The following NRG3 variants were observed in gnomAD, a reference collection of about 807,000 sequenced individuals.
NRG3 encodes pro-neuregulin-3, membrane-bound isoform.
In NRG3, 31 loss-of-function variants were observed where a neutral mutation model predicts 66.9. The observed-to-expected ratio is 0.46, with a 90% CI of 0.35 to 0.63. The LOEUF (loss-of-function observed/expected upper bound fraction) is 0.63. NRG3 is among the 20% of genes least tolerant of loss of function. The pLI, the probability that NRG3 is intolerant of heterozygous loss-of-function variation, is 0.00. For missense variants in NRG3, 910 were observed against 878.9 expected (o/e 1.04, Z -0.45); for synonymous variants, 393 against 359.4 (o/e 1.09, Z -1.06).
intron 1 of NRG3, among the ~76,000 whole-genome samples, chr10:82,242,764 G>A (rs2077060832): frequency 6.6e-6 from 1 of 152,222 alleles, no homozygotes; most frequent in South Asian, 2.1e-4. Context: ...TTTCCCAAAT[G>A]TTGTGTTTCT....
At chr10:82,270,282 G>A (rs1053483098) in intron 1 of NRG3, among the ~76,000 whole-genome samples, 2 of 152,070 alleles carry the variant, frequency 1.3e-5, no homozygotes, top group Non-Finnish European at 2.9e-5. Flanking sequence ...TAACTGATTG[G>A]AACTGTCACT....
intron 2 of NRG3, among the ~76,000 whole-genome samples, chr10:82,435,236 G>A (rs1353590996): frequency 6.6e-6 from 1 of 152,118 alleles, no homozygotes; most frequent in Non-Finnish European, 1.5e-5. Flanking sequence ...TTGCATAGAG[G>A]TGTTTACAGC....
At chr10:82,463,781 C>T (rs558869211) in intron 2 of NRG3, among the ~76,000 whole-genome samples, 2 of 152,288 alleles carry the variant, frequency 1.3e-5, no homozygotes, top group South Asian at 4.1e-4. Context: ...TGTTTATCTG[C>T]ACTCTCTTGT....
intron 2 of NRG3, among the ~76,000 whole-genome samples, chr10:82,365,951 G>A (rs1240469399): frequency 6.6e-6 from 1 of 152,144 alleles, no homozygotes; most frequent in Non-Finnish European, 1.5e-5. Flanking sequence ...AGGTCATTAT[G>A]ACTTGGGTTT....
chr10:82,753,853 A>G (rs957583217), intron 3 of NRG3, among the ~76,000 whole-genome samples: 17 of 151,796 alleles, frequency 1.1e-4, no homozygotes, highest in Non-Finnish European at 1.3e-4. Flanking sequence ...AGGTTGAGGC[A>G]GGAGAATTGC....
At chr10:82,977,072 C>T (rs1026475129) in intron 7 of NRG3, among the ~76,000 whole-genome samples, 43 of 152,144 alleles carry the variant, frequency 2.8e-4, no homozygotes, top group African/African-American at 1.0e-3. Flanking sequence ...GGTACAAGTA[C>T]CTCCATCAGC....
intron 3 of NRG3, among the ~76,000 whole-genome samples, chr10:82,752,540 C>T (rs1402401777): frequency 2.0e-5 from 3 of 152,138 alleles, no homozygotes; most frequent in African/African-American, 7.2e-5. Context: ...TCAGTTCATA[C>T]AGAACATTCT....
At chr10:82,429,267 T>C (rs977697325) in intron 2 of NRG3, among the ~76,000 whole-genome samples, 1 of 152,070 alleles carries the variant, frequency 6.6e-6, no homozygotes, top group Non-Finnish European at 1.5e-5. Context: ...TTATATTATC[T>C]GTTATATTTA....
intron 1 of NRG3, among the ~76,000 whole-genome samples, chr10:82,227,321 G>A (rs1328693703): frequency 6.6e-6 from 1 of 152,048 alleles, no homozygotes; most frequent in Non-Finnish European, 1.5e-5. Context: ...TCTTTATAGA[G>A]TCTCATTGCA....
intron 2 of NRG3, among the ~76,000 whole-genome samples, chr10:82,461,662 G>C (rs563233348): frequency 3.9e-5 from 6 of 152,168 alleles, no homozygotes; most frequent in East Asian, 1.9e-4. Flanking sequence ...TGTTAGTTAC[G>C]TGAGAAAACA....
chr10:82,040,316 C>T (rs1318124982), intron 1 of NRG3, among the ~76,000 whole-genome samples: 4 of 151,904 alleles, frequency 2.6e-5, no homozygotes, highest in African/African-American at 9.7e-5. Flanking sequence ...ATAGTATACA[C>T]AAATATACCC....
At chr10:82,286,059 A>G (rs1331778437) in intron 1 of NRG3, among the ~76,000 whole-genome samples, 1 of 152,186 alleles carries the variant, frequency 6.6e-6, no homozygotes, top group Non-Finnish European at 1.5e-5. Flanking sequence ...TTGATTCTAC[A>G]AACAGAAGAA....
intron 2 of NRG3, among the ~76,000 whole-genome samples, chr10:82,668,821 G>A (rs1327809735): frequency 6.6e-6 from 1 of 152,104 alleles, no homozygotes; most frequent in Non-Finnish European, 1.5e-5. Context: ...CAAGTAGAAG[G>A]AAACGAGTAT....
intron 2 of NRG3, among the ~76,000 whole-genome samples, chr10:82,521,185 CA>C (rs1345288344): frequency 2.0e-5 from 3 of 151,838 alleles, no homozygotes; most frequent in Non-Finnish European, 4.4e-5. Flanking sequence ...GTTATGTGTA[CA>C]AAAAATACCT....
intron 1 of NRG3, among the ~76,000 whole-genome samples, chr10:82,192,836 G>A (rs2074231689): frequency 6.6e-6 from 1 of 152,084 alleles, no homozygotes; most frequent in African/African-American, 2.4e-5. Flanking sequence ...AACATGCTAA[G>A]AACAAAAAGT....
chr10:82,528,928 G>C (rs186294295), intron 2 of NRG3, among the ~76,000 whole-genome samples: 2 of 151,958 alleles, frequency 1.3e-5, no homozygotes, highest in African/African-American at 4.8e-5. Context: ...CTTCTGCCTC[G>C]CATCCTGTCT....
At chr10:82,115,140 C>T (rs2067626519) in intron 1 of NRG3, among the ~76,000 whole-genome samples, 2 of 152,084 alleles carry the variant, frequency 1.3e-5, no homozygotes, top group African/African-American at 4.8e-5. Flanking sequence ...CTGTGGCCTG[C>T]TCCTCCTACA....
chr10:81,876,124 A>C lies in NRG3; in HGVS notation c.784A>C (p.Thr262Pro). 2 of 1,603,686 alleles carry C rather than the reference A, an allele frequency of 1.2e-6. No individual in the cohort carries two copies. Among genetic ancestry groups the C allele is most frequent in the Non-Finnish European group, 1.7e-6 (2 of 1,175,336 alleles). The change falls in exon 1 of 9, where the codon ACC becomes CCC. Residue 262 changes from threonine to proline, a missense_variant. Coordinates refer to ENST00000372141, the MANE Select transcript of NRG3 (RefSeq NM_001010848.4). ...SSSSSSSSSA[T>P]TTTPETSTSP... is the part of the protein sequence containing the mutation. ...TTCTTCCTCTTCTTCCTCCTCCGCT[A>C]CCACCACCACACCAGAAACTAGCAC...
At chr10:81,953,028 A>G (rs1262158334) in intron 1 of NRG3, among the ~76,000 whole-genome samples, 1 of 152,020 alleles carries the variant, frequency 6.6e-6, no homozygotes, top group Non-Finnish European at 1.5e-5. Context: ...CTGCAATTTC[A>G]TCTGCCATCC....
Sources: allele counts gnomAD v4.1 joint callset (sites outside exome capture counted in the v4.1 genomes callset), GRCh38; gene constraint gnomAD v4.1.1; transcripts MANE v1.5; gene names NCBI Gene and HGNC (gene_info 2026-07-23, HGNC 2026-07-21).